MAP4K3: variants seen among roughly 807,000 people sequenced by gnomAD.
The protein encoded by MAP4K3 is mitogen-activated protein kinase kinase kinase kinase 3, also known as MAPK/ERK kinase kinase kinase 3.
In MAP4K3, 94 loss-of-function variants were observed where a neutral mutation model predicts 143.5. The ratio of observed to expected loss-of-function variants is 0.65; its 90% CI spans 0.55 to 0.78. MAP4K3 has a LOEUF of 0.78. Ranked by LOEUF, MAP4K3 falls within the 30% of genes least tolerant of loss-of-function variation. MAP4K3 has a pLI of 0.00. For missense variants in MAP4K3, 1,077 were observed against 1,068.1 expected, an observed-to-expected ratio of 1.01 and a Z score of -0.12; for synonymous variants, 416 against 347.2, an observed-to-expected ratio of 1.20 and a Z score of -2.20.
At chr2:39,366,977 A>T (rs1423542050) in intron 2 of MAP4K3, among the ~76,000 whole-genome samples, 4 of 152,348 alleles carry the variant, frequency 2.6e-5, no homozygotes, top group Middle Eastern at 3.4e-3. Context: ...AATCCTATTG[A>T]TTCCTACTTA....
intron 16 of MAP4K3, among the ~76,000 whole-genome samples, chr2:39,296,000 A>G (rs1416676844): frequency 6.6e-6 from 1 of 152,152 alleles, no homozygotes; most frequent in Non-Finnish European, 1.5e-5. Context: ...TACAGGTATA[A>G]GCCGTGAGCC....
At chr2:39,257,860 C>T (rs1449541575) in intron 31 of MAP4K3, among the ~76,000 whole-genome samples, 3 of 150,870 alleles carry the variant, frequency 2.0e-5, no homozygotes, top group African/African-American at 7.3e-5. Context: ...ATCTACACTA[C>T]AGTTATTAAA....
intron 32 of MAP4K3, among the ~76,000 whole-genome samples, chr2:39,253,155 C>T (rs967574272): frequency 6.6e-5 from 10 of 151,982 alleles, no homozygotes; most frequent in Non-Finnish European, 1.0e-4. Context: ...TGGAGGGGGA[C>T]GGAGTCTTGT....
chr2:39,378,512 C>A (rs1279917358), intron 1 of MAP4K3, among the ~76,000 whole-genome samples: 1 of 152,118 alleles, frequency 6.6e-6, no homozygotes, highest in African/African-American at 2.4e-5. Flanking sequence ...GCCAGTGAGT[C>A]GACAGTGCTG....
intron 1 of MAP4K3, among the ~76,000 whole-genome samples, chr2:39,409,458 G>A (rs1667180300): frequency 1.3e-5 from 2 of 152,280 alleles, no homozygotes; most frequent in South Asian, 4.1e-4. Flanking sequence ...GCTGGCTGCA[G>A]TGGCACCAGC....
At chr2:39,322,435 T>C (rs901317479) in intron 12 of MAP4K3, among the ~76,000 whole-genome samples, 4 of 152,098 alleles carry the variant, frequency 2.6e-5, no homozygotes, top group South Asian at 2.1e-4. Context: ...GGCTTACATA[T>C]AGGAGACGAA....
At chr2:39,413,419 G>A (rs1386532498) in intron 1 of MAP4K3, among the ~76,000 whole-genome samples, 1 of 151,986 alleles carries the variant, frequency 6.6e-6, no homozygotes, top group African/African-American at 2.4e-5. Flanking sequence ...GTCTGGAAAT[G>A]CCAGTGCAGC....
At chr2:39,390,157 G>A (rs916798653) in intron 1 of MAP4K3, among the ~76,000 whole-genome samples, 11 of 152,032 alleles carry the variant, frequency 7.2e-5, no homozygotes, top group Non-Finnish European at 1.2e-4. Context: ...AAATGTGGAG[G>A]GACATTTACA....
At chr2:39,413,445 G>A (rs1389007007) in intron 1 of MAP4K3, among the ~76,000 whole-genome samples, 2 of 152,020 alleles carry the variant, frequency 1.3e-5, no homozygotes, top group African/African-American at 4.8e-5. Context: ...GGACAGACTG[G>A]GTACAGTCAG....
At chr2:39,431,477 C>T (rs1310009183) in intron 1 of MAP4K3, among the ~76,000 whole-genome samples, 2 of 152,066 alleles carry the variant, frequency 1.3e-5, no homozygotes, top group South Asian at 2.1e-4. Context: ...CTTCAGGTCC[C>T]GTAAAACCTG....
intron 18 of MAP4K3, among the ~76,000 whole-genome samples, chr2:39,290,977 C>T (rs1318212684): frequency 2.0e-5 from 3 of 151,958 alleles, no homozygotes; most frequent in Admixed American, 6.6e-5. Flanking sequence ...AGGAGAATGG[C>T]ATGAACCTGG....
rs1286693635 is a variant in MAP4K3 at position 39,278,394 on chromosome 2, C to T, written c.1794+13G>A. On this transcript the variant is annotated intron_variant, in intron 24 of 33. Transcript: ENST00000263881. ...AAAAATTAAAAAAAAAAAGAATATA[C>T]AAAATAACATACCTGTTCCATTGAT... 2 of 1,483,942 alleles carry T rather than the reference C, an allele frequency of 1.3e-6. No individual in the cohort carries two copies. The highest frequency in any genetic ancestry group is 1.8e-6 in the Non-Finnish European group (2 of 1,090,880). 91.9% of individuals were successfully genotyped at this position (1,483,942 alleles called of 1,614,324 possible).
chr2:39,437,196 G>A lies in MAP4K3; in HGVS notation c.-209C>T. 3.0e-6 allele frequency: 1 copy of A among 338,752 alleles called. No homozygotes were observed. The highest frequency in any genetic ancestry group is 5.2e-6 in the Non-Finnish European group (1 of 190,734). 21.0% of individuals were successfully genotyped at this position (338,752 alleles called of 1,614,324 possible). On this transcript the variant is annotated 5_prime_UTR_variant, in exon 1 of 34. Coordinates refer to ENST00000263881, the MANE Select transcript of MAP4K3 (RefSeq NM_003618.4). The stretch of plus-strand genomic sequence containing the variant: ...CGGCCAATCGTCCCCGCCCCCCGCG[G>A]CCCGCCGCCGCGCCGAACCTGGTCA...
chr2:39,354,200 T>C (rs1270432479), intron 3 of MAP4K3, among the ~76,000 whole-genome samples: 2 of 151,844 alleles, frequency 1.3e-5, no homozygotes, highest in Non-Finnish European at 2.9e-5. Context: ...TCCCAGCACT[T>C]TGGGAGGCTG....
intron 22 of MAP4K3, among the ~76,000 whole-genome samples, chr2:39,281,912 G>A (rs1367859540): frequency 2.6e-5 from 4 of 151,862 alleles, no homozygotes; most frequent in South Asian, 2.1e-4. Flanking sequence ...GGTAAAAAAC[G>A]GCAAGGCGTG....
chr2:39,333,426 A>C, intron 7 of MAP4K3, 106 bp downstream of exon 7: 1 of 790,982 alleles, frequency 1.3e-6, no homozygotes, highest in Non-Finnish European at 2.1e-6. Flanking sequence ...AAAAATACAC[A>C]GATGCCGTCT....
intron 21 of MAP4K3, among the ~76,000 whole-genome samples, chr2:39,286,053 T>C (rs1681761120): frequency 6.6e-6 from 1 of 152,218 alleles, no homozygotes; most frequent in South Asian, 2.1e-4. Context: ...TGTCACTACT[T>C]ATGTAATCTC....
intron 3 of MAP4K3, among the ~76,000 whole-genome samples, chr2:39,348,111 T>A (rs1041167939): frequency 1.3e-5 from 2 of 152,126 alleles, no homozygotes; most frequent in African/African-American, 4.8e-5. Flanking sequence ...AATTATCTAC[T>A]CACCATCTTG....
intron 1 of MAP4K3, among the ~76,000 whole-genome samples, chr2:39,434,665 TAAG>T: frequency 6.6e-6 from 1 of 152,380 alleles, no homozygotes. Flanking sequence ...GCCAATTGGT[TAAG>T]AATACAGTCC....
Sources: gnomAD v4.1 joint callset for allele counts (sites outside exome capture counted in the v4.1 genomes callset) on GRCh38, gnomAD v4.1.1 for gene constraint, MANE v1.5 for transcripts, NCBI Gene and HGNC (gene_info 2026-07-23, HGNC 2026-07-21) for gene names.